The following CIZ1 variants were observed in gnomAD, a reference collection of about 807,000 sequenced individuals.
CIZ1 encodes the protein cip1-interacting zinc finger protein.
Under a neutral mutation model 118.6 loss-of-function variants are expected in CIZ1, and 58 were observed. The observed-to-expected ratio is 0.49, with a 90% confidence interval of 0.40 to 0.61. The LOEUF (loss-of-function observed/expected upper bound fraction) is 0.61, where lower values mean the gene tolerates loss of function less well. Ranked by LOEUF, CIZ1 falls within the 20% of genes least tolerant of loss-of-function variation. CIZ1 has a pLI of 0.00. For missense variants in CIZ1, 921 were observed against 1,115.9 expected (o/e 0.83, Z 2.49); for synonymous variants, 448 against 443.4 (o/e 1.01, Z -0.13).
chr9:128,194,322 A>G (rs1025081799), upstream of CIZ1, among the ~76,000 whole-genome samples: 10 of 136,040 alleles, frequency 7.4e-5, no homozygotes, highest in Non-Finnish European at 1.4e-4. Context: ...AGATCGTACC[A>G]TTGCACTCCA....
chr9:128,183,837 C>T (rs1832008027), intron 5 of CIZ1, among the ~76,000 whole-genome samples: 1 of 152,130 alleles, frequency 6.6e-6, no homozygotes, highest in Non-Finnish European at 1.5e-5. Flanking sequence ...ACGATCTTGG[C>T]TCACTGCAGC....
At chr9:128,194,224 T>C (rs979377787), upstream of CIZ1, among the ~76,000 whole-genome samples, 1 of 151,540 alleles carries the variant, frequency 6.6e-6, no homozygotes, top group Admixed American at 6.6e-5. Flanking sequence ...TAGCCGGGCA[T>C]GGTGGCAGAC....
rs1439061072 is a variant in CIZ1, at chr9:128,180,446, C to T, written c.760G>A (p.Ala254Thr). 1 of 1,614,042 alleles carries T rather than the reference C, an allele frequency of 6.2e-7. No individual in the cohort carries two copies. Among genetic ancestry groups the T allele is most frequent in the Non-Finnish European group, 8.5e-7 (1 of 1,180,018 alleles). The change falls in exon 7 of 17, where the codon GCG becomes ACG. Residue 254 changes from alanine to threonine, a missense_variant. By Grantham distance (58) the Ala-to-Thr change is moderately conservative. Coordinates refer to ENST00000372938, the MANE Select transcript of CIZ1 (RefSeq NM_001131016.2). Reference protein sequence around the residue: ...TPAPEPEPCEASELPAKRLRS... With the variant: ...TPAPEPEPCETSELPAKRLRS... The stretch of plus-strand genomic sequence containing the variant: ...AATCTCTTTGCTGGCAGCTCGGACG[C>T]CTCACAAGGCTCAGGCTCAGGTGCT...
rs10987926 is a variant in CIZ1 at position 128,201,421 on chromosome 9, G to A, written c.-6+2765C>T. On this transcript the variant is annotated intron_variant, in intron 1 of 17. Coordinates refer to the CIZ1 transcript ENST00000372948. ...GCTGAGATCATGCCACTGCACTCCA[G>A]CCTGGCGACAGAGTGAGACTCCGTC... 5.1e-3 allele frequency among the ~76,000 whole-genome samples: 780 copies of A among 152,326 alleles called. 15 individuals are homozygous for A. The highest frequency in any genetic ancestry group is 0.043 in the East Asian group (222 of 5,184).
chr9:128,173,239 G>A (rs1830376027), intron 11 of CIZ1, among the ~76,000 whole-genome samples: 1 of 150,624 alleles, frequency 6.6e-6, no homozygotes, highest in South Asian at 2.1e-4. Flanking sequence ...CCGCCTCCTG[G>A]GTTCAGGCCA....
At chr9:128,184,321 CAT>C (rs1832073326) in intron 5 of CIZ1, among the ~76,000 whole-genome samples, 1 of 152,082 alleles carries the variant, frequency 6.6e-6, no homozygotes, top group South Asian at 2.1e-4. Flanking sequence ...TAAAATGCCT[CAT>C]TTTTTATATT....
At chr9:128,187,576 G>A (rs1832537614) in intron 4 of CIZ1, among the ~76,000 whole-genome samples, 2 of 152,116 alleles carry the variant, frequency 1.3e-5, no homozygotes, top group African/African-American at 4.8e-5. Flanking sequence ...CATAGTAAAT[G>A]TTCAATTAAC....
chr9:128,182,471 T>C (rs1033071670), intron 5 of CIZ1, among the ~76,000 whole-genome samples: 1 of 152,062 alleles, frequency 6.6e-6, no homozygotes, highest in Non-Finnish European at 1.5e-5. Flanking sequence ...GCAAAGCTGA[T>C]CATGTCTCTT....
rs778369623 is a variant in CIZ1, at chr9:128,190,434, G to C, written c.181C>G (p.Pro61Ala). 2.2e-5 allele frequency: 36 copies of C among 1,612,580 alleles called. No individual in the cohort carries two copies. Among genetic ancestry groups the C allele is most frequent in the South Asian group, 9.9e-5 (9 of 90,880 alleles). Residue 61 changes from proline (P) to alanine (A), a missense_variant, in exon 3 of 17, where the codon CCG becomes GCG. Physicochemically the swap from Pro to Ala is conservative, Grantham distance 27. Coordinates refer to ENST00000372938, the MANE Select transcript of CIZ1 (RefSeq NM_001131016.2). ...AGAAGCGGCTGCTGTGGCTGCTGCG[G>C]GGGGAGCCCCCTGTGTGTTGGGAGG... ...LPMAVSRGLP[P>A]QQPQQPLLNL... is the part of the protein sequence containing the mutation.
At chr9:128,187,757 A>G (rs568873280) in intron 4 of CIZ1, 106 bp downstream of exon 4, 42 of 357,068 alleles carry the variant, frequency 1.2e-4, no homozygotes, top group Non-Finnish European at 2.1e-4. Context: ...CAATTGCACT[A>G]GCACTCTAAG....
chr9:128,198,512 T>C (rs370674744), intron 1 of CIZ1: 1 of 152,190 alleles, frequency 6.6e-6, no homozygotes, highest in African/African-American at 2.4e-5. Context: ...CTACTGTGTA[T>C]GTATACAACA....
At chr9:128,180,191 C>G (rs1453499243) in intron 7 of CIZ1, among the ~76,000 whole-genome samples, 1 of 152,128 alleles carries the variant, frequency 6.6e-6, no homozygotes, top group Admixed American at 6.5e-5. Flanking sequence ...TCCAGCTTGG[C>G]CCCCAGGTGG....
At position 128,185,773 on chromosome 9, in the gene CIZ1, T is replaced by A. The variant is rs368047526; in HGVS notation, c.362A>T (p.Asn121Ile). ...GLTMPTATLG[N>I]LRGYGMASPG... is the part of the protein sequence containing the mutation. ...GGATGCCATGCCATAGCCTCGGAGG[T>A]TACCTGCAGGCAAGAAGACAGGAGA... The change falls in exon 5 of 17, where the codon AAC (asparagine) becomes ATC (isoleucine). Residue 121 changes from asparagine (N) to isoleucine (I), a missense_variant. Transcript: ENST00000372938. The A allele has an allele frequency of 5.6e-6, 9 of 1,611,296 alleles. No homozygotes were observed. The African/African-American group carries it at 1.2e-4, about 22-fold the overall frequency.
chr9:128,191,731 C>T, upstream of CIZ1: 1 of 1,365,784 alleles, frequency 7.3e-7, no homozygotes, highest in Non-Finnish European at 9.4e-7. This position sits in a 1 kb window ranked among gnomAD's most constrained non-coding sequence, Gnocchi z 5.5. Context: ...GCGGCTCATA[C>T]CCTCTGTCCC....
chr9:128,177,594 A>G lies in CIZ1; in HGVS notation c.1790T>C (p.Ile597Thr). The change falls in exon 10 of 17, where the codon ATC becomes ACC. Residue 597 changes from isoleucine to threonine, a missense_variant. Ile to Thr is a moderately conservative substitution (Grantham distance 89). Coordinates refer to ENST00000372938, the MANE Select transcript of CIZ1 (RefSeq NM_001131016.2). ...SKQALQFFCYICKASCSSQQE... is the reference protein window; with the variant it reads ...SKQALQFFCYTCKASCSSQQE... ...CTGGCTGGAGCAGCTGGCCTTGCAG[A>G]TGTAGCAGAAGAACTGGAGGGCCTG... is the stretch of plus-strand genomic sequence containing the variant. 1 of 1,481,802 alleles carries G rather than the reference A, an allele frequency of 6.7e-7. No homozygotes were observed. The highest frequency in any genetic ancestry group is 1.2e-5 in the South Asian group (1 of 80,254). The allele number at this position is 1,481,802 out of a possible 1,614,324, so 91.8% of individuals were successfully genotyped here.
chr9:128,179,450 T>C, intron 7 of CIZ1, 35 bp from the exon 8 acceptor site: 1 of 1,534,694 alleles, frequency 6.5e-7, no homozygotes, highest in South Asian at 1.3e-5. Flanking sequence ...CAGTCATGTC[T>C]TCAAAGAGGC....
chr9:128,198,507 GT>G (rs1163528864), intron 1 of CIZ1: 1 of 152,212 alleles, frequency 6.6e-6, no homozygotes. Context: ...AGCACCTACT[GT>G]GTATGTATAC....
At chr9:128,174,511 T>C (rs892210758) in intron 11 of CIZ1, among the ~76,000 whole-genome samples, 2 of 152,178 alleles carry the variant, frequency 1.3e-5, no homozygotes, top group Non-Finnish European at 2.9e-5. Flanking sequence ...TGTTCCTTTT[T>C]GCTCAAGCTA....
At position 128,191,132 on chromosome 9, in the gene CIZ1, C is replaced by T. The variant is rs1351949967; in HGVS notation, c.-5-270G>A. 5.7e-6 allele frequency: 3 copies of T among 522,782 alleles called. No individual in the cohort carries two copies. The highest frequency in any genetic ancestry group is 1.0e-5 in the Non-Finnish European group (3 of 298,098). The allele number at this position is 522,782 out of a possible 1,614,324, so 32.4% of individuals were successfully genotyped here. The stretch of plus-strand genomic sequence containing the variant: ...GCCCCTCCTTCAAGTCCCTCCATCT[C>T]TCCATTTCTGGCGGCTCCATCCTCC... On this transcript the variant is annotated intron_variant, in intron 1 of 16. Transcript: ENST00000372938. The surrounding 1 kb of genome is among the most constrained non-coding windows in gnomAD (Gnocchi z 5.5).
Sources: gnomAD v4.1 joint callset for allele counts (sites outside exome capture counted in the v4.1 genomes callset) on GRCh38, gnomAD v4.1.1 for gene constraint, Gnocchi (gnomAD v3.1) non-coding constraint, MANE v1.5 for transcripts, NCBI Gene and HGNC (gene_info 2026-07-23, HGNC 2026-07-21) for gene names.